The following SEC22C variants were observed in gnomAD, a reference collection of about 807,000 sequenced individuals.
SEC22C encodes vesicle-trafficking protein SEC22c.
In SEC22C, 29 loss-of-function variants were observed where a neutral mutation model predicts 34.7. The observed-to-expected ratio is 0.84, with a 90% CI of 0.62 to 1.14. SEC22C has a LOEUF of 1.14. Among genes scored for constraint, SEC22C ranks in the 50% most tolerant of loss-of-function variants. SEC22C has a pLI of 0.00. For missense variants in SEC22C, 337 were observed against 369.0 expected, an observed-to-expected ratio of 0.91 and a Z score of 0.71; for synonymous variants, 117 against 132.8, an observed-to-expected ratio of 0.88 and a Z score of 0.82.
At position 42,595,920 on chromosome 3, in the gene SEC22C, C is replaced by T. The variant is rs59302842; in HGVS notation, c.-28+5040G>A. 6.9e-3 allele frequency among the ~76,000 whole-genome samples: 1,046 copies of T among 152,266 alleles called. 13 individuals carry two copies. Among genetic ancestry groups the T allele is most frequent in the African/African-American group, 0.023 (975 of 41,556 alleles). On this transcript the variant is annotated intron_variant, in intron 1 of 6. Transcript: ENST00000417572. ...TCCTGAGGTTGTGAGACTGAGATAA[C>T]GTGGTTGAGAACTGGGCACATGTTA... is the stretch of plus-strand genomic sequence containing the variant.
chr3:42,591,414 C>T (rs1704834746), intron 1 of SEC22C: 6 of 783,572 alleles, frequency 7.7e-6, no homozygotes, highest in South Asian at 7.2e-5. Context: ...AGGCTAGTCT[C>T]GAACTCCTGA....
chr3:42,588,298 G>A (rs80072333), intron 1 of SEC22C, among the ~76,000 whole-genome samples: 7 of 151,938 alleles, frequency 4.6e-5, no homozygotes, highest in South Asian at 4.2e-4. Context: ...CAGACTACTC[G>A]GGAGGCTGAG....
chr3:42,582,267 T>A (rs1275092892), upstream of SEC22C: 1 of 152,252 alleles, frequency 6.6e-6, no homozygotes, highest in Non-Finnish European at 1.5e-5. Flanking sequence ...CTAAGCTCGA[T>A]TCCTGCCGGG....
At chr3:42,566,173 C>T (rs532453771) in intron 2 of SEC22C, among the ~76,000 whole-genome samples, 1 of 152,274 alleles carries the variant, frequency 6.6e-6, no homozygotes, top group African/African-American at 2.4e-5. Context: ...TGGGCAGGTG[C>T]AACTCAGTGT....
At position 42,548,392 on chromosome 3, in the gene SEC22C, G is replaced by A. The variant is rs1336562382; in HGVS notation, c.*4856C>T. ...TAAGCATGGGTCAGAGGAATAGAAT[G>A]GATTTGTTAATTTTACCCTAAATAA... On this transcript the variant is annotated 3_prime_UTR_variant, in exon 7 of 7. Transcript: ENST00000264454. 1 of 591,478 alleles carries A rather than the reference G, an allele frequency of 1.7e-6. No homozygotes were observed. The highest frequency in any genetic ancestry group is 1.9e-5 in the African/African-American group (1 of 53,726). 36.6% of individuals were successfully genotyped at this position (591,478 alleles called of 1,614,324 possible).
upstream of SEC22C, among the ~76,000 whole-genome samples, chr3:42,583,180 T>C (rs1244246610): frequency 6.6e-6 from 1 of 152,246 alleles, no homozygotes; most frequent in Non-Finnish European, 1.5e-5. Context: ...AAACTCACTT[T>C]GGCTGCTAAA....
rs779916073 is a variant in SEC22C at position 42,568,831 on chromosome 3, C to T, written c.182+34G>A. On this transcript the variant is annotated intron_variant, in intron 2 of 6. Coordinates refer to ENST00000264454, the MANE Select transcript of SEC22C (RefSeq NM_032970.4). ...GTAGTTAAAAGTAATCCAAATTTTG[C>T]TAATATTCTGAAAAAGTGAATATGA... 22 of 1,594,802 alleles carry T rather than the reference C, an allele frequency of 1.4e-5. No homozygotes were observed. In the South Asian group the frequency reaches 2.2e-4, roughly 16 times the overall value.
intron 1 of SEC22C, chr3:42,600,695 C>T (rs1344583624): frequency 4.3e-6 from 1 of 233,756 alleles, no homozygotes; most frequent in African/African-American, 2.3e-5. Context: ...AGACGGCGTT[C>T]CGTTAGCGGC....
chr3:42,587,581 A>G (rs1311670630), intron 1 of SEC22C: 1 of 151,920 alleles, frequency 6.6e-6, no homozygotes, highest in Non-Finnish European at 1.5e-5. Context: ...AAAAAAATAC[A>G]AAAAATTAGC....
chr3:42,601,057 G>A (rs909195678), exon 1 of SEC22C: 45 of 1,575,974 alleles, frequency 2.9e-5, no homozygotes, highest in Non-Finnish European at 3.7e-5. Flanking sequence ...AGATCAACCG[G>A]GAGCCGGGTG....
chr3:42,551,842 A>C lies in SEC22C; in HGVS notation c.*1406T>G. ...CTAAAACTACATTCTTACATTCCCT[A>C]TCCACTCAACTCTTGTAATGGTTTT... On this transcript the variant is annotated 3_prime_UTR_variant, in exon 7 of 7. Coordinates refer to ENST00000264454, the MANE Select transcript of SEC22C (RefSeq NM_032970.4). The C allele has an allele frequency of 1.0e-6, 1 of 980,764 alleles. No homozygotes were observed. Among genetic ancestry groups the C allele is most frequent in the Non-Finnish European group, 1.2e-6 (1 of 825,666 alleles). 60.8% of individuals were successfully genotyped at this position (980,764 alleles called of 1,614,324 possible).
chr3:42,577,798 C>T (rs1704060835), intron 1 of SEC22C, among the ~76,000 whole-genome samples: 1 of 152,028 alleles, frequency 6.6e-6, no homozygotes, highest in Admixed American at 6.6e-5. Flanking sequence ...GGTGAAACCC[C>T]ATCTCTACTA....
chr3:42,566,443 G>A (rs1703246269), intron 2 of SEC22C, among the ~76,000 whole-genome samples: 1 of 152,146 alleles, frequency 6.6e-6, no homozygotes, highest in Admixed American at 6.5e-5. Flanking sequence ...TTGGGAGGCC[G>A]AGGCAGGAGA....
At position 42,552,689 on chromosome 3, in the gene SEC22C, T is replaced by C. The variant is rs1702307504; in HGVS notation, c.*559A>G. ...AGTCCAATTTATATCCAAAATATAA[T>C]TAAATATTCCAAAGGTATATCGAAC... On this transcript the variant is annotated 3_prime_UTR_variant, in exon 7 of 7. Coordinates refer to ENST00000264454, the MANE Select transcript of SEC22C (RefSeq NM_032970.4). The C allele has an allele frequency of 1.0e-6, 1 of 980,836 alleles. No homozygotes were observed. Among genetic ancestry groups the C allele is most frequent in the Non-Finnish European group, 1.2e-6 (1 of 825,750 alleles). The allele number at this position is 980,836 out of a possible 1,614,324, so 60.8% of individuals were successfully genotyped here.
At chr3:42,596,039 G>GT (rs539975642) in intron 1 of SEC22C, among the ~76,000 whole-genome samples, 2,369 of 149,478 alleles carry the variant, frequency 0.016, 22 homozygotes, top group African/African-American at 0.021. Context: ...TTTTGTTTTT[G>GT]TTTTTTTTTG....
In SEC22C at chr3:42,551,264, GCAGAA is replaced by G; in HGVS notation, c.*1979_*1983del. The G allele has an allele frequency of 2.0e-6, 2 of 985,406 alleles. No homozygotes were observed. Among genetic ancestry groups the G allele is most frequent in the South Asian group, 9.4e-5 (2 of 21,286 alleles). The allele number at this position is 985,406 out of a possible 1,614,324, so 61.0% of individuals were successfully genotyped here. A position where few individuals can be genotyped will look rare whatever the true frequency, so the allele number is the denominator to read the frequency against. On this transcript the variant is annotated 3_prime_UTR_variant, in exon 7 of 7. Coordinates refer to ENST00000264454, the MANE Select transcript of SEC22C (RefSeq NM_032970.4). Reference sequence around the variant, plus strand: ...AACTGAAAATTCACCTGCTGGGTATGCAGAAAATTATGCAGATGTGAAATCAGTGT... The same window carrying G: ...AACTGAAAATTCACCTGCTGGGTATGAATTATGCAGATGTGAAATCAGTGT...
chr3:42,578,261 G>A (rs116384561), intron 1 of SEC22C, among the ~76,000 whole-genome samples: 293 of 152,264 alleles, frequency 1.9e-3, no homozygotes, highest in African/African-American at 6.7e-3. Context: ...CTGGTACACA[G>A]AACAACTTGA....
In SEC22C at chr3:42,550,310, G is replaced by A. The variant is rs1276255247; in HGVS notation, c.*2938C>T. The A allele has an allele frequency of 3.0e-6, 3 of 985,290 alleles. No homozygotes were observed. In the African/African-American group the frequency reaches 5.2e-5, roughly 17 times the overall value. The allele number at this position is 985,290 out of a possible 1,614,324, so 61.0% of individuals were successfully genotyped here. A position where few individuals can be genotyped will look rare whatever the true frequency, so the allele number is the denominator to read the frequency against. ...GCTGCACAGGTAGCATTTAACTACT[G>A]GGAAAACAAAAGTGCTACAACAACA... On this transcript the variant is annotated 3_prime_UTR_variant, in exon 7 of 7. Coordinates refer to ENST00000264454, the MANE Select transcript of SEC22C (RefSeq NM_032970.4).
Position 42,576,662 on chromosome 3 carries a change from G to C in SEC22C, c.-28+5184C>G, listed in dbSNP as rs556297188. ...AATGGGGAGATATATCATGTTTTAT[G>C]GATTGGAAGAGTCAACAAAGCAAAG... On this transcript the variant is annotated intron_variant, in intron 1 of 6. Transcript: ENST00000264454. Among the ~76,000 whole-genome samples, 78 of 151,890 alleles carry C rather than the reference G, an allele frequency of 5.1e-4. 3 individuals carry two copies. The South Asian group carries it at 0.016, about 31-fold the overall frequency.
Sources: gnomAD v4.1 joint callset for allele counts (sites outside exome capture counted in the v4.1 genomes callset) on GRCh38, gnomAD v4.1.1 for gene constraint, MANE v1.5 for transcripts, NCBI Gene and HGNC (gene_info 2026-07-23, HGNC 2026-07-21) for gene names.